ARHGEF3: variants seen among roughly 807,000 people sequenced by gnomAD.
The protein encoded by ARHGEF3 is Rho guanine nucleotide exchange factor 3.
Under a neutral mutation model 63.2 loss-of-function variants are expected in ARHGEF3, and 28 were observed. The ratio of observed to expected loss-of-function variants is 0.44; its 90% confidence interval spans 0.33 to 0.61. The LOEUF is 0.61. ARHGEF3 is among the 20% of genes least tolerant of loss of function. The pLI is 0.03. For missense variants in ARHGEF3, 533 were observed against 659.3 expected, an observed-to-expected ratio of 0.81 and a Z score of 2.10; for synonymous variants, 266 against 254.2, an observed-to-expected ratio of 1.05 and a Z score of -0.44.
At chr3:57,014,698 T>TG (rs1702905749) in intron 2 of ARHGEF3, among the ~76,000 whole-genome samples, 1 of 147,004 alleles carries the variant, frequency 6.8e-6, no homozygotes, top group African/African-American at 2.5e-5. Flanking sequence ...TTTTTTTTTT[T>TG]GAGACAGAGT....
intron 1 of ARHGEF3, among the ~76,000 whole-genome samples, chr3:56,784,294 T>G (rs1462049709): frequency 6.6e-6 from 1 of 152,160 alleles, no homozygotes; most frequent in Non-Finnish European, 1.5e-5. Context: ...TCACATCAGG[T>G]TATGCATTTT....
intron 2 of ARHGEF3, among the ~76,000 whole-genome samples, chr3:57,020,687 A>G (rs1194909826): frequency 6.6e-6 from 1 of 152,256 alleles, no homozygotes; most frequent in Admixed American, 6.5e-5. Context: ...CACAGAAGAA[A>G]GCAGAGCCAA....
chr3:56,780,130 A>G (rs60882397), intron 1 of ARHGEF3, among the ~76,000 whole-genome samples: 64,146 of 151,846 alleles, frequency 0.42, 14,276 homozygotes, highest in East Asian at 0.66. Flanking sequence ...TGGACTATAC[A>G]CCTCTGCTTC....
chr3:56,846,836 A>G (rs1024251501), intron 4 of ARHGEF3, among the ~76,000 whole-genome samples: 1 of 152,184 alleles, frequency 6.6e-6, no homozygotes, highest in South Asian at 2.1e-4. Context: ...ATCACCCACA[A>G]GGATAGACTG....
intron 3 of ARHGEF3, among the ~76,000 whole-genome samples, chr3:56,904,473 G>C (rs771205492): frequency 3.3e-5 from 5 of 152,130 alleles, no homozygotes; most frequent in African/African-American, 9.7e-5. Context: ...CCAAAACTGA[G>C]ACATTTCAAA....
Position 56,751,096 on chromosome 3 carries a change from T to C in ARHGEF3, c.572A>G (p.Asp191Gly), listed in dbSNP as rs2034714263. 1 of 1,614,044 alleles carries C rather than the reference T, an allele frequency of 6.2e-7. No individual in the cohort carries two copies. Among genetic ancestry groups the C allele is most frequent in the African/African-American group, 1.3e-5 (1 of 74,922 alleles). ...GGGACCAACATGTTCAGTCGAGCCA[T>C]CAGGCTTCCTAACATCTCGAAGCTG... Reference protein sequence around the residue: ...LSQLRDVRKPDGSTEHVGPIL... With the variant: ...LSQLRDVRKPGGSTEHVGPIL... Residue 191 changes from aspartate to glycine, a missense_variant, in exon 6 of 10, where the codon GAT becomes GGT. By Grantham distance (94) the Asp-to-Gly change is moderately conservative. Transcript: ENST00000296315.
intron 2 of ARHGEF3, among the ~76,000 whole-genome samples, chr3:57,003,303 T>A (rs1702333161): frequency 7.3e-6 from 1 of 137,446 alleles, no homozygotes; most frequent in African/African-American, 2.8e-5. Flanking sequence ...CTCGGGAGGC[T>A]AAGGCAGGAG....
intron 4 of ARHGEF3, among the ~76,000 whole-genome samples, chr3:56,814,072 G>A (rs115025120): frequency 2.7e-3 from 416 of 152,278 alleles, no homozygotes; most frequent in African/African-American, 9.5e-3. Flanking sequence ...TGAAGAGCTA[G>A]TAAACTGAAA....
At chr3:56,972,651 T>C (rs1181731434) in intron 2 of ARHGEF3, among the ~76,000 whole-genome samples, 1 of 151,834 alleles carries the variant, frequency 6.6e-6, no homozygotes, top group African/African-American at 2.4e-5. Flanking sequence ...GCAAAGTTCC[T>C]GGGGCACGGC....
chr3:57,068,513 G>T (rs1438703104), intron 1 of ARHGEF3, among the ~76,000 whole-genome samples: 2 of 152,164 alleles, frequency 1.3e-5, no homozygotes, highest in South Asian at 2.1e-4. Context: ...CACAAAGCTG[G>T]CCAAGGATTA....
rs570444118 is a variant in ARHGEF3, at chr3:56,999,586, G to T, written c.62+35502C>A. On this transcript the variant is annotated intron_variant, in intron 2 of 12. Coordinates refer to the ARHGEF3 transcript ENST00000338458. ...TTTGGGAGGCCAAGGCAGGAGGATTGCTTGAAGCCAGGAGCTTCAGATCAG... is the reference window on the plus strand; with the variant it reads ...TTTGGGAGGCCAAGGCAGGAGGATTTCTTGAAGCCAGGAGCTTCAGATCAG... Among the ~76,000 whole-genome samples, 612 of 152,300 alleles carry T rather than the reference G, an allele frequency of 4.0e-3. 1 individual carries two copies. The highest frequency in any genetic ancestry group is 6.9e-3 in the Non-Finnish European group (471 of 68,032).
chr3:57,007,686 G>C (rs1000503432), intron 2 of ARHGEF3, among the ~76,000 whole-genome samples: 6 of 152,136 alleles, frequency 3.9e-5, no homozygotes, highest in African/African-American at 1.4e-4. Context: ...CACCCTCCAG[G>C]GGCCTGACAA....
At chr3:57,041,081 A>G (rs1017017395) in intron 1 of ARHGEF3, among the ~76,000 whole-genome samples, 9 of 152,180 alleles carry the variant, frequency 5.9e-5, no homozygotes, top group Non-Finnish European at 1.3e-4. Flanking sequence ...AGGACCAAAC[A>G]CCTACTCTTA....
At chr3:57,054,684 A>C (rs1358465540) in intron 1 of ARHGEF3, among the ~76,000 whole-genome samples, 3 of 139,654 alleles carry the variant, frequency 2.1e-5, no homozygotes, top group Admixed American at 1.5e-4. Flanking sequence ...TCACTCTGTC[A>C]CCAGGCTGGA....
At chr3:56,964,766 G>T (rs1174242419) in intron 2 of ARHGEF3, among the ~76,000 whole-genome samples, 3 of 152,046 alleles carry the variant, frequency 2.0e-5, no homozygotes, top group Non-Finnish European at 2.9e-5. Flanking sequence ...AGAAAATGAG[G>T]CCTCTCTGAG....
intron 2 of ARHGEF3, among the ~76,000 whole-genome samples, chr3:57,019,102 G>A (rs1703140027): frequency 6.6e-6 from 1 of 152,176 alleles, no homozygotes; most frequent in Non-Finnish European, 1.5e-5. Flanking sequence ...CCATAAACCA[G>A]GACCATCCTC....
intron 2 of ARHGEF3, chr3:57,034,996 T>A: frequency 9.1e-7 from 1 of 1,093,206 alleles, no homozygotes; most frequent in Non-Finnish European, 1.3e-6. Context: ...TACTGACTTA[T>A]GTAGGCTTAA....
chr3:56,927,504 A>G (rs1392819932), intron 3 of ARHGEF3, among the ~76,000 whole-genome samples: 1 of 152,154 alleles, frequency 6.6e-6, no homozygotes, highest in East Asian at 1.9e-4. Context: ...TACGATATGT[A>G]ACATTATATA....
intron 3 of ARHGEF3, among the ~76,000 whole-genome samples, chr3:56,900,794 A>G (rs567091904): frequency 1.3e-5 from 2 of 152,314 alleles, no homozygotes; most frequent in South Asian, 4.1e-4. Flanking sequence ...TACCTGATAC[A>G]TAAGTAATAA....
Sources: allele counts gnomAD v4.1 joint callset (sites outside exome capture counted in the v4.1 genomes callset), GRCh38; gene constraint gnomAD v4.1.1; transcripts MANE v1.5; gene names NCBI Gene and HGNC (gene_info 2026-07-23, HGNC 2026-07-21).